Variants in ADAM17 observed in about 807,000 individuals in gnomAD.
ADAM17 encodes the protein ADAM metallopeptidase domain 17.
A neutral mutation model predicts 96.7 loss-of-function variants in ADAM17; 39 were observed. That is an observed-to-expected ratio of 0.40 (90% CI 0.31 to 0.53). ADAM17 has a LOEUF of 0.53. Ranked by LOEUF, ADAM17 falls within the 20% of genes least tolerant of loss-of-function variation. The pLI is 0.44. For synonymous variants in ADAM17, 344 were observed against 359.2 expected (o/e 0.96, Z 0.48); for missense variants, 777 against 1,013.2 (o/e 0.77, Z 3.17).
rs1663067995 is a variant in ADAM17 at position 9,502,539 on chromosome 2, G to A, written c.1545-263C>T. Among the ~76,000 whole-genome samples the A allele has an allele frequency of 3.3e-5, 5 of 152,206 alleles. No homozygotes were observed. The South Asian group carries it at 1.0e-3, about 32-fold the overall frequency. On this transcript the variant is annotated intron_variant, in intron 12 of 18. Coordinates refer to ENST00000310823, the MANE Select transcript of ADAM17 (RefSeq NM_003183.6). ...CAGCAATCACCTGTGAAACATCTTG[G>A]TGCCCTTGGTTTTCATTCATTTAAC...
intron 14 of ADAM17, 108 bp downstream of exon 14, chr2:9,497,006 G>A: frequency 6.7e-7 from 1 of 1,502,728 alleles, no homozygotes; most frequent in East Asian, 2.3e-5. Flanking sequence ...TCCTCGGCTT[G>A]GATCTCACCA....
At chr2:9,518,640 C>T (rs1188323883) in intron 8 of ADAM17, among the ~76,000 whole-genome samples, 1 of 152,106 alleles carries the variant, frequency 6.6e-6, no homozygotes. Context: ...TTCAAGGATT[C>T]AATTGGTTTT....
At chr2:9,519,989 T>G (rs1664242232) in intron 8 of ADAM17, among the ~76,000 whole-genome samples, 1 of 152,216 alleles carries the variant, frequency 6.6e-6, no homozygotes, top group South Asian at 2.1e-4. Flanking sequence ...CAGATCAAAT[T>G]AGACAAGGTA....
intron 10 of ADAM17, among the ~76,000 whole-genome samples, chr2:9,514,566 T>TATATATATAA (rs1558509998): frequency 1.1e-5 from 1 of 92,346 alleles, no homozygotes; most frequent in African/African-American, 4.1e-5. Context: ...TATATATATA[T>TATATATATAA]ATAAATAAAA....
chr2:9,498,359 GA>G (rs1208114705), intron 13 of ADAM17, among the ~76,000 whole-genome samples: 1 of 151,974 alleles, frequency 6.6e-6, no homozygotes, highest in Non-Finnish European at 1.5e-5. Context: ...ACCCACCAAA[GA>G]AAGTTAAACT....
At chr2:9,496,106 CT>C (rs1188042951) in intron 14 of ADAM17, among the ~76,000 whole-genome samples, 1 of 151,844 alleles carries the variant, frequency 6.6e-6, no homozygotes, top group Non-Finnish European at 1.5e-5. Flanking sequence ...GGTTCTTTGT[CT>C]TTTATTTATT....
chr2:9,498,176 T>C (rs140827301), intron 13 of ADAM17, among the ~76,000 whole-genome samples: 2 of 152,128 alleles, frequency 1.3e-5, no homozygotes, highest in African/African-American at 4.8e-5. Flanking sequence ...ATTTCAGGCG[T>C]ACGCCACCAT....
At chr2:9,511,927 G>A (rs1246026901) in intron 10 of ADAM17, among the ~76,000 whole-genome samples, 1 of 151,846 alleles carries the variant, frequency 6.6e-6, no homozygotes, top group Non-Finnish European at 1.5e-5. Flanking sequence ...GCCGAGATAG[G>A]CCACTGAACC....
intron 10 of ADAM17, among the ~76,000 whole-genome samples, chr2:9,516,948 T>A (rs2125016806): frequency 6.6e-6 from 1 of 152,190 alleles, no homozygotes. Context: ...TGCTGTCCAG[T>A]AACATATAAA....
At chr2:9,515,735 CAAAA>C (rs56888068) in intron 10 of ADAM17, among the ~76,000 whole-genome samples, 5 of 118,084 alleles carry the variant, frequency 4.2e-5, no homozygotes, top group Non-Finnish European at 8.9e-5. Context: ...ACTCCGTCTC[CAAAA>C]AAAAAAAAAA....
intron 10 of ADAM17, among the ~76,000 whole-genome samples, chr2:9,513,333 A>T (rs886172068): frequency 2.6e-5 from 4 of 152,190 alleles, no homozygotes; most frequent in African/African-American, 7.2e-5. Flanking sequence ...ATAAACCCAT[A>T]AACTAAGTTA....
intron 4 of ADAM17, among the ~76,000 whole-genome samples, chr2:9,535,303 T>C (rs976838730): frequency 2.0e-4 from 31 of 152,226 alleles, no homozygotes; most frequent in Admixed American, 1.6e-3. Context: ...TTTTGTTTTG[T>C]AGACTAATAT....
intron 10 of ADAM17, among the ~76,000 whole-genome samples, chr2:9,517,314 CAAAGATAAG>C: frequency 1.3e-5 from 2 of 152,136 alleles, no homozygotes; most frequent in East Asian, 3.9e-4. Flanking sequence ...AGGTGACAAA[CAAAGATAAG>C]AACTCAAAAT....
Position 9,543,255 on chromosome 2 carries a change from T to C in ADAM17, c.128A>G (p.Asp43Gly). 6.2e-7 allele frequency: 1 copy of C among 1,606,794 alleles called. No individual in the cohort carries two copies. Among genetic ancestry groups the C allele is most frequent in the Non-Finnish European group, 8.5e-7 (1 of 1,177,434 alleles). The change falls in exon 2 of 19, where the codon GAT becomes GGT. Residue 43 changes from aspartate to glycine, a missense_variant. Asp to Gly is a moderately conservative substitution (Grantham distance 94, BLOSUM62 -1). Coordinates refer to ENST00000310823, the MANE Select transcript of ADAM17 (RefSeq NM_003183.6). ...EKLDSLLSDY[D>G]ILSLSNIQQH... ...CTGGATATTAGATAAAGAGAGAATATCGTAGTCTGAGAGCAAAGAATCAAG... is the reference window on the plus strand; with the variant it reads ...CTGGATATTAGATAAAGAGAGAATACCGTAGTCTGAGAGCAAAGAATCAAG...
chr2:9,542,116 CTTTAAAAA>C (rs1665228833), intron 2 of ADAM17, among the ~76,000 whole-genome samples: 1 of 152,138 alleles, frequency 6.6e-6, no homozygotes, highest in African/African-American at 2.4e-5. Flanking sequence ...TTCCTAAAGA[CTTTAAAAA>C]GAGGCCTGCA....
At chr2:9,514,541 ATATATATATATATATATATATATATAT>A (rs1406765612) in intron 10 of ADAM17, among the ~76,000 whole-genome samples, 2 of 35,498 alleles carry the variant, frequency 5.6e-5, no homozygotes, top group Non-Finnish European at 1.4e-4. Flanking sequence ...ATATATATAT[ATATATATATATATATATATATATATAT>A]AAATAAAAAG....
intron 1 of ADAM17, among the ~76,000 whole-genome samples, chr2:9,555,064 T>C (rs1665697652): frequency 6.6e-6 from 1 of 152,010 alleles, no homozygotes. Context: ...GAAATTCTAG[T>C]TCCCTCCTTC....
intron 10 of ADAM17, among the ~76,000 whole-genome samples, chr2:9,513,141 T>C (rs1663836172): frequency 6.6e-6 from 1 of 152,122 alleles, no homozygotes; most frequent in South Asian, 2.1e-4. Context: ...ATTATAGGCA[T>C]GCACCACCAC....
chr2:9,508,028 G>C (rs779532128), intron 11 of ADAM17, among the ~76,000 whole-genome samples: 4 of 152,126 alleles, frequency 2.6e-5, no homozygotes, highest in Non-Finnish European at 5.9e-5. Context: ...TTCTTACAGG[G>C]CTGTTTTGAA....
Sources: gnomAD v4.1 joint callset for allele counts (sites outside exome capture counted in the v4.1 genomes callset) on GRCh38, gnomAD v4.1.1 for gene constraint, MANE v1.5 for transcripts, NCBI Gene and HGNC (gene_info 2026-07-23, HGNC 2026-07-21) for gene names.